Variants in GLIS3 observed in about 807,000 individuals in gnomAD.
The protein encoded by GLIS3 is zinc finger protein GLIS3.
A neutral mutation model predicts 78.6 loss-of-function variants in GLIS3; 53 were observed. That is an observed-to-expected ratio of 0.67 (90% CI 0.54 to 0.85). The LOEUF (loss-of-function observed/expected upper bound fraction) is 0.85. Ranked by LOEUF, GLIS3 falls within the 40% of genes least tolerant of loss-of-function variation. The pLI, the probability that GLIS3 is intolerant of heterozygous loss-of-function variation, is 0.00. For synonymous variants in GLIS3, 684 were observed against 509.9 expected, an observed-to-expected ratio of 1.34 and a Z score of -4.60; for missense variants, 1,703 against 1,231.1, an observed-to-expected ratio of 1.38 and a Z score of -5.74.
chr9:4,373,544 T>A, the GLIS3 span, among the ~76,000 whole-genome samples: 1 of 152,200 alleles, frequency 6.6e-6, no homozygotes, highest in Non-Finnish European at 1.5e-5. Context: ...CAATAATCAA[T>A]TTGAAATATT....
intron 4 of GLIS3, among the ~76,000 whole-genome samples, chr9:4,069,002 G>C (rs1344655457): frequency 6.6e-6 from 1 of 151,992 alleles, no homozygotes; most frequent in Admixed American, 6.6e-5. Flanking sequence ...GAGAACTAAG[G>C]CCCAGAAAAG....
At chr9:4,485,427 G>A in the GLIS3 span, among the ~76,000 whole-genome samples, 1 of 152,050 alleles carries the variant, frequency 6.6e-6, no homozygotes, top group African/African-American at 2.4e-5. Context: ...GACCGACTCT[G>A]CATAAGGACC....
intron 6 of GLIS3, among the ~76,000 whole-genome samples, chr9:3,899,677 G>A (rs1823139796): frequency 2.0e-5 from 3 of 152,088 alleles, no homozygotes; most frequent in African/African-American, 7.2e-5. Context: ...GTGTATAAAT[G>A]GATTTTATAA....
chr9:4,006,269 G>A (rs1247301991), intron 4 of GLIS3, among the ~76,000 whole-genome samples: 1 of 125,394 alleles, frequency 8.0e-6, no homozygotes, highest in Non-Finnish European at 1.6e-5. Flanking sequence ...AGATTATTCT[G>A]AGCACTGCTT....
At chr9:4,134,041 T>G in intron 2 of GLIS3, among the ~76,000 whole-genome samples, 1 of 152,270 alleles carries the variant, frequency 6.6e-6, no homozygotes, top group East Asian at 1.9e-4. Context: ...TGCAAAACAC[T>G]AATACAACAG....
intron 4 of GLIS3, among the ~76,000 whole-genome samples, chr9:3,994,843 T>C (rs567693194): frequency 6.6e-6 from 1 of 152,228 alleles, no homozygotes; most frequent in South Asian, 2.1e-4. Flanking sequence ...TTTAAAAGAA[T>C]CTCTTTTTTA....
chr9:4,027,117 G>A (rs1823411779), intron 4 of GLIS3, among the ~76,000 whole-genome samples: 1 of 152,158 alleles, frequency 6.6e-6, no homozygotes, highest in Admixed American at 6.6e-5. Flanking sequence ...AACACAACCT[G>A]ACCGACTGCA....
intron 4 of GLIS3, among the ~76,000 whole-genome samples, chr9:4,110,797 G>A (rs1168508354): frequency 2.0e-5 from 3 of 151,524 alleles, no homozygotes; most frequent in African/African-American, 7.3e-5. Context: ...AAATCTACCT[G>A]GAAAAAAAAA....
chr9:4,140,053 T>C (rs1206916283), intron 2 of GLIS3, among the ~76,000 whole-genome samples: 3 of 152,194 alleles, frequency 2.0e-5, no homozygotes, highest in African/African-American at 7.2e-5. Flanking sequence ...CTTCTTAGCC[T>C]GTAAAAGGCA....
intron 2 of GLIS3, among the ~76,000 whole-genome samples, chr9:4,313,994 G>C (rs1262529453): frequency 6.6e-6 from 1 of 152,226 alleles, no homozygotes; most frequent in East Asian, 1.9e-4. Context: ...TCAGGTAGTT[G>C]AGAGATGGCG....
At chr9:4,384,779 C>T in the GLIS3 span, among the ~76,000 whole-genome samples, 19 of 152,142 alleles carry the variant, frequency 1.2e-4, no homozygotes, top group East Asian at 5.8e-4. Flanking sequence ...CCTCTTCCTA[C>T]GCTCCCATGT....
At chr9:3,905,164 C>CTTTTTTT (rs1563834122) in intron 6 of GLIS3, among the ~76,000 whole-genome samples, 1 of 133,354 alleles carries the variant, frequency 7.5e-6, no homozygotes, top group Non-Finnish European at 1.6e-5. Context: ...TTTTTTTTTG[C>CTTTTTTT]TATTTTTAGT....
chr9:3,863,657 G>A (rs757030290), intron 8 of GLIS3, among the ~76,000 whole-genome samples: 22 of 152,210 alleles, frequency 1.4e-4, no homozygotes, highest in Non-Finnish European at 2.5e-4. Context: ...TTGGCTGTAG[G>A]TGAAACGATC....
At chr9:4,145,986 G>A (rs1834196092) in intron 2 of GLIS3, among the ~76,000 whole-genome samples, 1 of 152,156 alleles carries the variant, frequency 6.6e-6, no homozygotes, top group African/African-American at 2.4e-5. Context: ...GGACAATTGA[G>A]ACAAAGCACA....
the GLIS3 span, among the ~76,000 whole-genome samples, chr9:4,432,039 C>A: frequency 6.6e-6 from 1 of 152,102 alleles, no homozygotes; most frequent in Non-Finnish European, 1.5e-5. Flanking sequence ...GGCCTGTGAG[C>A]CACAGTTTGC....
chr9:4,387,130 C>T, the GLIS3 span, among the ~76,000 whole-genome samples: 1 of 152,178 alleles, frequency 6.6e-6, no homozygotes, highest in African/African-American at 2.4e-5. Context: ...GATACCTACG[C>T]TGTCAGAAAT....
intron 9 of GLIS3, among the ~76,000 whole-genome samples, chr9:3,838,227 G>T (rs1288168676): frequency 2.0e-5 from 3 of 152,276 alleles, no homozygotes; most frequent in Admixed American, 6.5e-5. Context: ...CATTCAATAT[G>T]TATTTGTTGA....
chr9:4,018,719 C>A (rs1822631363), intron 4 of GLIS3, among the ~76,000 whole-genome samples: 1 of 152,228 alleles, frequency 6.6e-6, no homozygotes, highest in Middle Eastern at 3.4e-3. Context: ...TGCCCAATCC[C>A]CTGGAAGGCA....
chr9:3,998,371 A>C (rs1417008434), intron 4 of GLIS3, among the ~76,000 whole-genome samples: 8 of 152,302 alleles, frequency 5.3e-5, no homozygotes, highest in African/African-American at 1.7e-4. Context: ...CAATTCATTT[A>C]ATAGAGTCAA....
Sources: gnomAD v4.1 joint callset for allele counts (sites outside exome capture counted in the v4.1 genomes callset) on GRCh38, gnomAD v4.1.1 for gene constraint, MANE v1.5 for transcripts, NCBI Gene and HGNC (gene_info 2026-07-23, HGNC 2026-07-21) for gene names.